Variants in FAM13A observed in about 807,000 individuals in gnomAD.
FAM13A encodes protein FAM13A.
A neutral mutation model predicts 129.6 loss-of-function variants in FAM13A; 76 were observed. The ratio of observed to expected loss-of-function variants is 0.59; its 90% CI spans 0.49 to 0.71. The LOEUF (loss-of-function observed/expected upper bound fraction) is 0.71. Ranked by LOEUF, FAM13A falls within the 30% of genes least tolerant of loss-of-function variation. The pLI, the probability that FAM13A is intolerant of heterozygous loss-of-function variation, is 0.00. For synonymous variants in FAM13A, 443 were observed against 449.9 expected (o/e 0.98, Z 0.20); for missense variants, 1,108 against 1,249.3 (o/e 0.89, Z 1.70).
At position 89,037,003 on chromosome 4, in the gene FAM13A, A is replaced by T. The variant is rs1436180943; in HGVS notation, c.28-7354T>A. 2.0e-5 allele frequency among the ~76,000 whole-genome samples: 3 copies of T among 152,230 alleles called. No homozygotes were observed. In the East Asian group the frequency reaches 5.8e-4, roughly 29 times the overall value. On this transcript the variant is annotated intron_variant, in intron 1 of 23. Transcript: ENST00000264344. ...AGTCTGCTGCAGGGGTGGAGCCCTC[A>T]TGGAGAACCTCTACTAGGGCAATGC... is the stretch of plus-strand genomic sequence containing the variant.
At position 88,878,145 on chromosome 4, in the gene FAM13A, C is replaced by T. The variant is rs533498800; in HGVS notation, c.844-26962G>A. On this transcript the variant is annotated intron_variant, in intron 6 of 23. Transcript: ENST00000264344. ...TCTACTAAAAAATACAAAAAATTAG[C>T]CAGGCGTGGTGGCGGGTGCCTGTAG... 2.0e-3 allele frequency among the ~76,000 whole-genome samples: 305 copies of T among 151,962 alleles called. 2 individuals carry two copies. The highest frequency in any genetic ancestry group is 6.8e-3 in the African/African-American group (282 of 41,438).
chr4:88,781,092 A>T, intron 11 of FAM13A, 73 bp downstream of exon 11: 1 of 1,109,172 alleles, frequency 9.0e-7, no homozygotes, highest in Non-Finnish European at 1.3e-6. Flanking sequence ...ATTACTTTTA[A>T]TTTTTTTACA....
chr4:89,020,669 C>T lies in FAM13A; in HGVS notation c.218G>A (p.Gly73Glu). 2 of 1,610,056 alleles carry T rather than the reference C, an allele frequency of 1.2e-6. No homozygotes were observed. The highest frequency in any genetic ancestry group is 1.7e-6 in the Non-Finnish European group (2 of 1,176,386). Residue 73 changes from glycine (G) to glutamate (E), a missense_variant and splice_region_variant, in exon 3 of 24, where the codon GGA (glycine) becomes GAA (glutamate). By Grantham distance (98) the Gly-to-Glu change is moderately conservative. Transcript: ENST00000264344. ...WNIVEYLTQH[G>E]LTQEGLFRVN... ...CCTAAAAAGACCTTCTTGGGTAAGT[C>T]CTGGAAGAGCAAAGTAGGCACAGAA...
chr4:88,922,149 G>T (rs1751222578), intron 5 of FAM13A, among the ~76,000 whole-genome samples: 1 of 152,086 alleles, frequency 6.6e-6, no homozygotes, highest in South Asian at 2.1e-4. Context: ...CAATGAGACA[G>T]AAAGTTAACA....
At position 88,732,178 on chromosome 4, in the gene FAM13A, T is replaced by C; in HGVS notation, c.2667A>G (p.Glu889=). The change falls in exon 22 of 24, where the codon GAA becomes GAG. Residue 889 remains glutamate, a synonymous_variant. Transcript: ENST00000264344. ...KEIKEEEEGS[E]DDSNVKPDFM... The stretch of plus-strand genomic sequence containing the variant: ...AGTCTGGCTTCACATTGCTATCGTC[T>C]TCTGACCCCTCCTCTTCTTCCTGGA... 12 of 1,609,290 alleles carry C rather than the reference T, an allele frequency of 7.5e-6. No homozygotes were observed. Among genetic ancestry groups the C allele is most frequent in the South Asian group, 3.3e-5 (3 of 90,152 alleles).
At chr4:88,750,028 C>T (rs1187934163) in intron 15 of FAM13A, 119 bp from the exon 16 acceptor site, 2 of 932,806 alleles carry the variant, frequency 2.1e-6, no homozygotes, top group Non-Finnish European at 3.2e-6. Context: ...AGTGCGGAGA[C>T]AAAACAGCCT....
At chr4:88,914,529 T>A (rs553903954) in intron 5 of FAM13A, among the ~76,000 whole-genome samples, 1 of 152,334 alleles carries the variant, frequency 6.6e-6, no homozygotes, top group East Asian at 1.9e-4. Context: ...CTCCCTGGAA[T>A]GATTTTCCAC....
intron 19 of FAM13A, among the ~76,000 whole-genome samples, chr4:88,739,461 A>G (rs374017406): frequency 6.6e-6 from 1 of 151,778 alleles, no homozygotes; most frequent in East Asian, 1.9e-4. Flanking sequence ...GGGAAAGTGA[A>G]AGCATATATC....
chr4:89,003,284 A>G (rs912127694), intron 3 of FAM13A, among the ~76,000 whole-genome samples: 12 of 18,140 alleles, frequency 6.6e-4, no homozygotes, highest in African/African-American at 1.1e-3. Context: ...AGCAATTTGG[A>G]AAAAAAAAAA....
intron 5 of FAM13A, among the ~76,000 whole-genome samples, chr4:88,907,902 A>C (rs1311750326): frequency 1.3e-5 from 2 of 152,236 alleles, no homozygotes; most frequent in Non-Finnish European, 2.9e-5. Flanking sequence ...CTTGGATTCT[A>C]AGGTGATGTG....
In FAM13A at chr4:88,808,780, T is replaced by TA. The variant is rs923641261; in HGVS notation, c.1008-3729dup. On this transcript the variant is annotated intron_variant, in intron 7 of 23. Transcript: ENST00000264344. ...AGCAGCCAATTATAAGTAGTTTACT[T>TA]AAAAAAAAAAATCAAACATACATTG... is the stretch of plus-strand genomic sequence containing the variant. 1.5e-3 allele frequency among the ~76,000 whole-genome samples: 224 copies of TA among 147,886 alleles called. 1 individual carries two copies. The highest frequency in any genetic ancestry group is 2.8e-3 in the African/African-American group (115 of 40,576).
At chr4:88,781,953 C>T (rs1236749058) in intron 10 of FAM13A, among the ~76,000 whole-genome samples, 1 of 150,408 alleles carries the variant, frequency 6.6e-6, no homozygotes, top group Non-Finnish European at 1.5e-5. Context: ...AACAAACCTG[C>T]ACATTGTGCA....
At chr4:88,831,869 T>G (rs1449769693) in intron 7 of FAM13A, among the ~76,000 whole-genome samples, 1 of 148,520 alleles carries the variant, frequency 6.7e-6, no homozygotes, top group East Asian at 2.0e-4. Context: ...AACACTGACA[T>G]TCTTCACAGA....
intron 1 of FAM13A, among the ~76,000 whole-genome samples, chr4:89,053,534 G>A (rs937141020): frequency 2.0e-5 from 3 of 152,060 alleles, no homozygotes; most frequent in African/African-American, 7.2e-5. Context: ...TCCTGCTTGC[G>A]CTATGGGATA....
intron 4 of FAM13A, among the ~76,000 whole-genome samples, chr4:88,965,145 G>C (rs1188000862): frequency 6.6e-6 from 1 of 152,190 alleles, no homozygotes; most frequent in African/African-American, 2.4e-5. Context: ...AATTTGAGCA[G>C]CTGTAGCATT....
At chr4:88,871,678 T>C (rs1422520105) in intron 6 of FAM13A, among the ~76,000 whole-genome samples, 1 of 152,154 alleles carries the variant, frequency 6.6e-6, no homozygotes, top group Non-Finnish European at 1.5e-5. Context: ...GATTGGTGTA[T>C]CTGAAAGTGA....
At chr4:88,938,466 C>T (rs961279981) in intron 4 of FAM13A, among the ~76,000 whole-genome samples, 2 of 151,956 alleles carry the variant, frequency 1.3e-5, no homozygotes, top group African/African-American at 4.8e-5. Context: ...ATAGGCTGTT[C>T]AGGAAGAAGA....
chr4:88,830,915 C>T (rs1190862900), intron 7 of FAM13A, among the ~76,000 whole-genome samples: 2 of 150,652 alleles, frequency 1.3e-5, no homozygotes, highest in Non-Finnish European at 2.9e-5. Context: ...GTACTGATTT[C>T]AAATCAAAAG....
At chr4:88,782,019 TAAAA>T (rs934445949) in intron 10 of FAM13A, among the ~76,000 whole-genome samples, 1 of 150,114 alleles carries the variant, frequency 6.7e-6, no homozygotes, top group Non-Finnish European at 1.5e-5. Context: ...ATTAAAAAAT[TAAAA>T]AAAAAGAAAT....
Sources: allele counts gnomAD v4.1 joint callset (sites outside exome capture counted in the v4.1 genomes callset), GRCh38; gene constraint gnomAD v4.1.1; transcripts MANE v1.5; gene names NCBI Gene and HGNC (gene_info 2026-07-23, HGNC 2026-07-21).